Variants in FGF12 observed in about 807,000 individuals in gnomAD.
FGF12 encodes fibroblast growth factor 12.
In FGF12, 14 loss-of-function variants were observed where a neutral mutation model predicts 23.6. The observed-to-expected ratio is 0.59, with a 90% CI of 0.39 to 0.93. The LOEUF (loss-of-function observed/expected upper bound fraction) is 0.93. Ranked by LOEUF, FGF12 falls within the 40% of genes least tolerant of loss-of-function variation. FGF12 has a pLI of 0.00. For missense variants in FGF12, 175 were observed against 217.8 expected (o/e 0.80, Z 1.24); for synonymous variants, 62 against 77.3 (o/e 0.80, Z 1.04).
At chr3:192,684,319 A>G (rs1241979735) in intron 2 of FGF12, among the ~76,000 whole-genome samples, 1 of 152,232 alleles carries the variant, frequency 6.6e-6, no homozygotes, top group East Asian at 1.9e-4. Flanking sequence ...TCTGTGATAC[A>G]ATGTTAGTGA....
chr3:192,140,413 A>T lies in FGF12; in HGVS notation c.*3596T>A, dbSNP rs1713305132. ...CCTTCTCAAGAGCAAGGCCTTGTAG[A>T]CTAAGGTATGAGGGTGAAATCGATT... On this transcript the variant is annotated 3_prime_UTR_variant, in exon 6 of 6. Transcript: ENST00000445105. 1 of 152,048 alleles carries T rather than the reference A, an allele frequency of 6.6e-6. No homozygotes were observed. The highest frequency in any genetic ancestry group is 2.1e-4 in the South Asian group (1 of 4,822). The allele number at this position is 152,048 out of a possible 1,614,324, so 9.4% of individuals were successfully genotyped here. A position where few individuals can be genotyped will look rare whatever the true frequency, so the allele number is the denominator to read the frequency against.
intron 2 of FGF12, among the ~76,000 whole-genome samples, chr3:192,672,044 AG>A (rs1222493026): frequency 6.6e-6 from 1 of 152,268 alleles, no homozygotes; most frequent in East Asian, 1.9e-4. Context: ...CATTAAAGCA[AG>A]TTAACAGCCA....
At chr3:192,672,452 T>C (rs1013138660) in intron 2 of FGF12, among the ~76,000 whole-genome samples, 1 of 150,936 alleles carries the variant, frequency 6.6e-6, no homozygotes. Context: ...CACCCATCTC[T>C]ACTTACCTCA....
intron 2 of FGF12, among the ~76,000 whole-genome samples, chr3:192,635,323 T>C (rs984830502): frequency 1.3e-5 from 2 of 152,222 alleles, no homozygotes; most frequent in African/African-American, 4.8e-5. Context: ...TCTTTACTCA[T>C]AACTCTTCTT....
intron 2 of FGF12, among the ~76,000 whole-genome samples, chr3:192,695,012 T>A (rs1444214535): frequency 1.3e-5 from 2 of 151,986 alleles, no homozygotes; most frequent in East Asian, 3.9e-4. Flanking sequence ...GGGGAGTAGA[T>A]TTTAGGTGTT....
At chr3:192,232,670 A>G (rs1029076943) in intron 4 of FGF12, among the ~76,000 whole-genome samples, 2 of 151,882 alleles carry the variant, frequency 1.3e-5, no homozygotes, top group Non-Finnish European at 2.9e-5. Flanking sequence ...ATAGTACTTG[A>G]TAGGTAGTTT....
At chr3:192,689,255 A>G (rs1427184507) in intron 2 of FGF12, among the ~76,000 whole-genome samples, 1 of 152,214 alleles carries the variant, frequency 6.6e-6, no homozygotes, top group Non-Finnish European at 1.5e-5. Context: ...CCCAACACAT[A>G]GAAATGATAA....
Position 192,171,696 on chromosome 3 carries a change from A to C in FGF12, c.229-1040T>G, listed in dbSNP as rs376548395. 3.3e-5 allele frequency among the ~76,000 whole-genome samples: 5 copies of C among 152,218 alleles called. No individual in the cohort carries two copies. In the East Asian group the frequency reaches 9.6e-4, roughly 29 times the overall value. On this transcript the variant is annotated intron_variant, in intron 4 of 5. Coordinates refer to ENST00000445105, the MANE Select transcript of FGF12 (RefSeq NM_004113.6). ...CCTACATGTCAGACATATTCACCACAGTCACCATCTTCCTCTCCATGAACT... is the reference window on the plus strand; with the variant it reads ...CCTACATGTCAGACATATTCACCACCGTCACCATCTTCCTCTCCATGAACT...
At chr3:192,372,623 G>A (rs765480663) in intron 2 of FGF12, among the ~76,000 whole-genome samples, 23 of 152,104 alleles carry the variant, frequency 1.5e-4, no homozygotes, top group Middle Eastern at 3.2e-3. Context: ...CTCTCCATCC[G>A]CACTGCCTCC....
rs6767606 is a variant in FGF12, at chr3:192,186,711, C to T, written c.229-16055G>A. 3.5e-3 allele frequency among the ~76,000 whole-genome samples: 532 copies of T among 152,246 alleles called. 8 individuals carry two copies. The highest frequency in any genetic ancestry group is 0.032 in the East Asian group (165 of 5,184). On this transcript the variant is annotated intron_variant, in intron 4 of 5. Transcript: ENST00000445105. ...TGCAAAAAAATAAAATAAAGAACTG[C>T]GTTGGCAGTTTCAAGAACAACTGAA... is the stretch of plus-strand genomic sequence containing the variant.
At chr3:192,647,845 T>C (rs56331238) in intron 2 of FGF12, among the ~76,000 whole-genome samples, 5,419 of 151,732 alleles carry the variant, frequency 0.036, 155 homozygotes, top group Middle Eastern at 0.079. Context: ...AAGATGTGAA[T>C]AAATGAATAA....
chr3:192,284,119 A>C (rs1465732559), intron 4 of FGF12, among the ~76,000 whole-genome samples: 2 of 152,006 alleles, frequency 1.3e-5, no homozygotes, highest in East Asian at 3.9e-4. Flanking sequence ...TGCCACTAAT[A>C]ATAAAACTGT....
At chr3:192,629,464 G>A (rs750155152) in intron 2 of FGF12, among the ~76,000 whole-genome samples, 12 of 152,328 alleles carry the variant, frequency 7.9e-5, no homozygotes, top group Admixed American at 2.0e-4. Flanking sequence ...GGAAACCAGC[G>A]ATCTCAAGAA....
chr3:192,571,437 G>A (rs1026333928), intron 2 of FGF12, among the ~76,000 whole-genome samples: 3 of 152,206 alleles, frequency 2.0e-5, no homozygotes, highest in African/African-American at 4.8e-5. Context: ...ATGCAGTACC[G>A]GGATCGCTGC....
chr3:192,190,864 C>T (rs1716755466), intron 4 of FGF12, among the ~76,000 whole-genome samples: 1 of 152,168 alleles, frequency 6.6e-6, no homozygotes, highest in African/African-American at 2.4e-5. Context: ...TGTGATAATG[C>T]TCGTGAAATG....
At chr3:192,701,876 G>A (rs921868900) in intron 2 of FGF12, among the ~76,000 whole-genome samples, 1 of 151,852 alleles carries the variant, frequency 6.6e-6, no homozygotes, top group Non-Finnish European at 1.5e-5. Context: ...TTTTGTAAGA[G>A]CACCTAAAAT....
intron 2 of FGF12, among the ~76,000 whole-genome samples, chr3:192,630,762 G>A (rs1000471657): frequency 6.6e-6 from 1 of 150,876 alleles, no homozygotes; most frequent in African/African-American, 2.4e-5. Flanking sequence ...GTTTCACCAT[G>A]TTAGCCAGGA....
intron 4 of FGF12, among the ~76,000 whole-genome samples, chr3:192,293,587 A>G (rs1332887065): frequency 6.6e-6 from 1 of 152,202 alleles, no homozygotes; most frequent in East Asian, 1.9e-4. Context: ...GCAGGTGAAT[A>G]AAGCCTCAGT....
Position 192,709,246 on chromosome 3 carries a change from C to A in FGF12, c.13+17935G>T, listed in dbSNP as rs552216767. Among the ~76,000 whole-genome samples the A allele has an allele frequency of 9.2e-5, 14 of 152,266 alleles. No homozygotes were observed. In the South Asian group the frequency reaches 2.9e-3, roughly 32 times the overall value. On this transcript the variant is annotated intron_variant, in intron 2 of 5. Transcript: ENST00000445105. The stretch of plus-strand genomic sequence containing the variant: ...CTGTACAAATAAGAAGAGCCCTGTT[C>A]TTCTAGCTTAAGAATGGTAGCCCTG...
Sources: gnomAD v4.1 joint callset for allele counts (sites outside exome capture counted in the v4.1 genomes callset) on GRCh38, gnomAD v4.1.1 for gene constraint, MANE v1.5 for transcripts, NCBI Gene and HGNC (gene_info 2026-07-23, HGNC 2026-07-21) for gene names.